The following PLD5 variants were observed in gnomAD, a reference collection of about 807,000 sequenced individuals.
PLD5 encodes the protein phospholipase D family member 5.
Under a neutral mutation model 61.1 loss-of-function variants are expected in PLD5, and 36 were observed. That is an observed-to-expected ratio of 0.59 (90% CI 0.45 to 0.78). The LOEUF is 0.78. Among genes scored for constraint, PLD5 ranks in the 30% least tolerant of loss-of-function variants. The pLI is 0.00. For missense variants in PLD5, 515 were observed against 644.4 expected (o/e 0.80, Z 2.17); for synonymous variants, 243 against 242.8 (o/e 1.00, Z -0.01).
At position 242,085,980 on chromosome 1, in the gene PLD5, A is replaced by T. The variant is rs1659428996; in HGVS notation, c.*3874T>A. 1 of 152,156 alleles carries T rather than the reference A, an allele frequency of 6.6e-6. No individual in the cohort carries two copies. The highest frequency in any genetic ancestry group is 2.4e-5 in the African/African-American group (1 of 41,428). The allele number at this position is 152,156 out of a possible 1,614,324, so 9.4% of individuals were successfully genotyped here. ...GGTCTTTTCTCCCCCCTTGGAATTT[A>T]GTTCAATAAAAGTTCCTAAAAACAA... is the stretch of plus-strand genomic sequence containing the variant. On this transcript the variant is annotated 3_prime_UTR_variant, in exon 10 of 10. Coordinates refer to ENST00000536534, the MANE Select transcript of PLD5 (RefSeq NM_001372062.1).
intron 1 of PLD5, among the ~76,000 whole-genome samples, chr1:242,512,385 A>G (rs1030713214): frequency 6.9e-6 from 1 of 145,160 alleles, no homozygotes; most frequent in Non-Finnish European, 1.5e-5. Flanking sequence ...GTGCCACTGC[A>G]CTCCAGCCCG....
In PLD5 at chr1:242,315,998, G is replaced by A. The variant is rs957001290; in HGVS notation, c.327-27468C>T. ...CAAATGGGCCTGGGCTTGAATCCTC[G>A]GTCAGTCATTCTCTACCATGGTGAC... On this transcript the variant is annotated intron_variant, in intron 2 of 9. Transcript: ENST00000536534. Among the ~76,000 whole-genome samples the A allele has an allele frequency of 6.6e-5, 10 of 152,080 alleles. No individual in the cohort carries two copies. In the East Asian group the frequency reaches 1.7e-3, roughly 26 times the overall value.
chr1:242,348,933 A>G (rs552412320), intron 1 of PLD5, among the ~76,000 whole-genome samples: 2 of 152,284 alleles, frequency 1.3e-5, no homozygotes, highest in South Asian at 4.1e-4. Context: ...AGGCGCCTGT[A>G]ATCCCAGCTA....
chr1:242,293,952 C>T lies in PLD5; in HGVS notation c.327-5422G>A, dbSNP rs538454552. Among the ~76,000 whole-genome samples the T allele has an allele frequency of 2.6e-5, 4 of 152,322 alleles. No homozygotes were observed. In the East Asian group the frequency reaches 7.7e-4, roughly 29 times the overall value. Reference sequence around the variant, plus strand: ...TTAAAAACCAACAGCTGGCTACTCTCCAGAGGCCTGATCTAATTAGCATAG... The same window carrying T: ...TTAAAAACCAACAGCTGGCTACTCTTCAGAGGCCTGATCTAATTAGCATAG... On this transcript the variant is annotated intron_variant, in intron 2 of 9. Coordinates refer to ENST00000536534, the MANE Select transcript of PLD5 (RefSeq NM_001372062.1).
rs180985140 is a variant in PLD5 at position 242,202,045 on chromosome 1, T to C, written c.735+17943A>G. 1.6e-3 allele frequency among the ~76,000 whole-genome samples: 246 copies of C among 152,112 alleles called. 4 individuals carry two copies. The highest frequency in any genetic ancestry group is 5.0e-3 in the African/African-American group (206 of 41,500). ...GCCTGGCCAACATGGTGAAACCCCATCTCTACTAAAAATACAAAAATTAGC... is the reference window on the plus strand; with the variant it reads ...GCCTGGCCAACATGGTGAAACCCCACCTCTACTAAAAATACAAAAATTAGC... On this transcript the variant is annotated intron_variant, in intron 5 of 9. Transcript: ENST00000536534.
chr1:242,377,211 C>T (rs1234746984), intron 1 of PLD5: 23 of 1,611,392 alleles, frequency 1.4e-5, no homozygotes, highest in Admixed American at 1.3e-4. Context: ...GCCACACTCC[C>T]GGCACTGGTA....
intron 5 of PLD5, among the ~76,000 whole-genome samples, chr1:242,186,708 C>A (rs1431820660): frequency 6.6e-6 from 1 of 152,124 alleles, no homozygotes; most frequent in Non-Finnish European, 1.5e-5. Flanking sequence ...TTAATGTAAT[C>A]TTCACAAAAG....
At chr1:242,281,107 A>G (rs1327869891) in intron 3 of PLD5, among the ~76,000 whole-genome samples, 1 of 152,242 alleles carries the variant, frequency 6.6e-6, no homozygotes, top group Non-Finnish European at 1.5e-5. Context: ...TCCTTAGGAC[A>G]GATAAGAGGC....
At position 242,450,511 on chromosome 1, in the gene PLD5, T is replaced by G. The variant is rs943065614; in HGVS notation, c.189+73577A>C. 4.6e-5 allele frequency among the ~76,000 whole-genome samples: 7 copies of G among 152,272 alleles called. No homozygotes were observed. The South Asian group carries it at 1.2e-3, about 27-fold the overall frequency. ...TTGTTCCAGGCTTGGGTTGGGTTCCTTTTTTTACTGCTTTTCCTCTCATCA... is the reference window on the plus strand; with the variant it reads ...TTGTTCCAGGCTTGGGTTGGGTTCCGTTTTTTACTGCTTTTCCTCTCATCA... On this transcript the variant is annotated intron_variant, in intron 1 of 9. Transcript: ENST00000536534.
At chr1:242,096,825 T>C (rs1430236836) in intron 9 of PLD5, among the ~76,000 whole-genome samples, 1 of 152,148 alleles carries the variant, frequency 6.6e-6, no homozygotes, top group Non-Finnish European at 1.5e-5. Flanking sequence ...ACATGTGCCA[T>C]GTTGGTGTGC....
intron 1 of PLD5, among the ~76,000 whole-genome samples, chr1:242,369,507 C>T (rs980717998): frequency 3.9e-5 from 6 of 152,056 alleles, no homozygotes; most frequent in African/African-American, 1.5e-4. Context: ...TACAGTGATT[C>T]TATGGAATAT....
At chr1:242,386,492 T>C (rs1662608714) in intron 1 of PLD5, among the ~76,000 whole-genome samples, 1 of 152,152 alleles carries the variant, frequency 6.6e-6, no homozygotes, top group Non-Finnish European at 1.5e-5. Context: ...ACAGCAAACC[T>C]GAACCCAGTC....
chr1:242,277,622 A>C (rs1228628545), intron 3 of PLD5, among the ~76,000 whole-genome samples: 1 of 150,282 alleles, frequency 6.7e-6, no homozygotes, highest in Non-Finnish European at 1.5e-5. Context: ...CAATTAAAAT[A>C]TGTTTACCAG....
intron 1 of PLD5, among the ~76,000 whole-genome samples, chr1:242,385,606 C>T (rs112644966): frequency 0.011 from 1,712 of 152,212 alleles, 30 homozygotes; most frequent in African/African-American, 0.039. Context: ...CCTTTGACTC[C>T]GCCGGACTTT....
At position 242,348,229 on chromosome 1, in the gene PLD5, C is replaced by A. The variant is rs757521059; in HGVS notation, c.203G>T (p.Cys68Phe). 5 of 1,604,640 alleles carry A rather than the reference C, an allele frequency of 3.1e-6. No homozygotes were observed. The highest frequency in any genetic ancestry group is 4.2e-6 in the Non-Finnish European group (5 of 1,177,978). ...GCACACCAGGGCAAAGATCACGATG[C>A]ACTTCTGCTGGGACTGAAAGAGGAA... ...KDKLEHSQQK[C>F]IVIFALVCCF... Residue 68 changes from cysteine to phenylalanine, a missense_variant, in exon 2 of 10, where the codon TGC becomes TTC. Around this residue, in one of 2 missense-constraint regions of PLD5, gnomAD observed 450 missense variants for 598.1 expected, o/e 0.75. Transcript: ENST00000536534.
intron 2 of PLD5, among the ~76,000 whole-genome samples, chr1:242,320,092 C>G (rs1658286803): frequency 6.6e-6 from 1 of 152,152 alleles, no homozygotes. Flanking sequence ...GCAAATAAAC[C>G]TCTTAAAATA....
At chr1:242,100,601 G>T in intron 9 of PLD5, 67 bp downstream of exon 9, 1 of 1,173,056 alleles carries the variant, frequency 8.5e-7, no homozygotes, top group Non-Finnish European at 1.3e-6. Context: ...GGATACCGTG[G>T]AGCACAGCTG....
At chr1:242,171,792 A>G (rs1666770888) in intron 5 of PLD5, among the ~76,000 whole-genome samples, 1 of 152,186 alleles carries the variant, frequency 6.6e-6, no homozygotes, top group Non-Finnish European at 1.5e-5. Flanking sequence ...ATCAAAAAAG[A>G]CAAAGAAGGG....
chr1:242,406,100 A>C (rs73130385), intron 1 of PLD5, among the ~76,000 whole-genome samples: 4,397 of 152,226 alleles, frequency 0.029, 212 homozygotes, highest in African/African-American at 0.097. Flanking sequence ...AGTTGCAAGA[A>C]TGACATACAA....
Sources: allele counts gnomAD v4.1 joint callset (sites outside exome capture counted in the v4.1 genomes callset), GRCh38; gene constraint gnomAD v4.1.1; regional missense constraint gnomAD v4.1.1; transcripts MANE v1.5; gene names NCBI Gene and HGNC (gene_info 2026-07-23, HGNC 2026-07-21).